CWH43: variants seen among roughly 807,000 people sequenced by gnomAD.
CWH43 encodes cell wall biogenesis 43 C-terminal homolog, also known as PGAP2-interacting protein.
Under a neutral mutation model 85.7 loss-of-function variants are expected in CWH43, and 91 were observed. The observed-to-expected ratio is 1.06, with a 90% CI of 0.90 to 1.26. The LOEUF is 1.26. CWH43 is among the 50% of genes most tolerant of loss of function. The pLI is 0.00. For missense variants in CWH43, 869 were observed against 839.2 expected (o/e 1.04, Z -0.44); for synonymous variants, 323 against 293.6 (o/e 1.10, Z -1.02).
intron 5 of CWH43, 149 bp downstream of exon 5, chr4:48,994,969 C>T: frequency 1.3e-6 from 1 of 756,202 alleles, no homozygotes; most frequent in Middle Eastern, 3.6e-4. Context: ...TTATTGTGTG[C>T]TCTGGAGAGA....
At chr4:49,034,256 T>G (rs1459766478) in intron 12 of CWH43, among the ~76,000 whole-genome samples, 1 of 152,184 alleles carries the variant, frequency 6.6e-6, no homozygotes. Context: ...TCCCATGACC[T>G]TATGTTGTAC....
intron 8 of CWH43, among the ~76,000 whole-genome samples, chr4:49,010,499 A>C (rs1386910949): frequency 6.6e-6 from 1 of 151,638 alleles, no homozygotes; most frequent in African/African-American, 2.4e-5. Flanking sequence ...GATCTTAGTT[A>C]TTTCTTGCCT....
Position 49,028,841 on chromosome 4 carries a change from A to G in CWH43, c.1372+107A>G, listed in dbSNP as rs1784002584. ...TTAATGCAGGTATTAGATTAAATTT[A>G]TGACCAGCAGATGATCATAAACTCA... On this transcript the variant is annotated intron_variant, in intron 10 of 15. Transcript: ENST00000226432. 10 of 709,724 alleles carry G rather than the reference A, an allele frequency of 1.4e-5. No homozygotes were observed. In the South Asian group the frequency reaches 1.8e-4, roughly 13 times the overall value. The allele number at this position is 709,724 out of a possible 1,614,324, so 44.0% of individuals were successfully genotyped here. A position where few individuals can be genotyped will look rare whatever the true frequency, so the allele number is the denominator to read the frequency against.
chr4:49,028,558 G>A (rs1783991972), intron 9 of CWH43, 71 bp from the exon 10 acceptor site: 1 of 973,714 alleles, frequency 1.0e-6, no homozygotes, highest in Non-Finnish European at 1.6e-6. Context: ...AGAGAGGAGT[G>A]GAGAAAAGTG....
rs149047504 is a variant in CWH43, at chr4:49,002,893, G to A, written c.803-842G>A. 6.6e-5 allele frequency among the ~76,000 whole-genome samples: 10 copies of A among 152,252 alleles called. No individual in the cohort carries two copies. The East Asian group carries it at 1.5e-3, about 24-fold the overall frequency. On this transcript the variant is annotated intron_variant, in intron 6 of 15. Transcript: ENST00000226432. ...CCACTCCTTTCTGGAGTTCTTGGCC[G>A]AAGTAGTGAAGAGCCTGCTCTAGCT...
At chr4:49,041,977 A>T (rs904211797) in intron 13 of CWH43, among the ~76,000 whole-genome samples, 10 of 152,208 alleles carry the variant, frequency 6.6e-5, no homozygotes, top group Non-Finnish European at 1.3e-4. Flanking sequence ...AAAATACCAT[A>T]ATTTTGGAAG....
In CWH43 at chr4:48,994,755, C is replaced by G. The variant is rs756179636; in HGVS notation, c.648C>G (p.Val216=). 1 of 1,614,076 alleles carries G rather than the reference C, an allele frequency of 6.2e-7. No homozygotes were observed. ...VFLTHWVFGE[V]SLVSRWAVSG... ...TCACCCACTGGGTTTTTGGAGAAGTCTCTCTTGTTTCCAGATGGGCAGTGA... is the reference window on the plus strand; with the variant it reads ...TCACCCACTGGGTTTTTGGAGAAGTGTCTCTTGTTTCCAGATGGGCAGTGA... Residue 216 remains valine, a synonymous_variant, in exon 5 of 16, where the codon GTC becomes GTG. Transcript: ENST00000226432.
intron 9 of CWH43, among the ~76,000 whole-genome samples, chr4:49,017,848 T>C (rs888129856): frequency 1.3e-5 from 2 of 151,868 alleles, no homozygotes; most frequent in African/African-American, 4.8e-5. Flanking sequence ...TTTTTTTTTT[T>C]TTTATTTGAT....
intron 6 of CWH43, among the ~76,000 whole-genome samples, chr4:49,000,028 G>C (rs932865316): frequency 6.6e-6 from 1 of 151,636 alleles, no homozygotes; most frequent in Non-Finnish European, 1.5e-5. Context: ...AATATTTAAT[G>C]ATTATAGTCA....
At chr4:49,056,781 T>C (rs1233689192) in intron 15 of CWH43, among the ~76,000 whole-genome samples, 1 of 152,134 alleles carries the variant, frequency 6.6e-6, no homozygotes, top group Non-Finnish European at 1.5e-5. Flanking sequence ...AAGGTAGGTG[T>C]TTATTGCTAC....
intron 10 of CWH43, 93 bp from the exon 11 acceptor site, chr4:49,030,732 A>G: frequency 1.6e-6 from 2 of 1,263,126 alleles, no homozygotes; most frequent in Non-Finnish European, 2.1e-6. Context: ...TCAGTAAAGA[A>G]AAAAAGGTTA....
intron 9 of CWH43, among the ~76,000 whole-genome samples, chr4:49,017,979 C>T (rs375416409): frequency 2.0e-5 from 3 of 151,960 alleles, no homozygotes; most frequent in South Asian, 2.1e-4. Context: ...GGACTATAGG[C>T]GGTGTGCCAC....
chr4:49,026,080 A>G lies in CWH43; in HGVS notation c.1267-2549A>G, dbSNP rs942004563. On this transcript the variant is annotated intron_variant, in intron 9 of 15. Coordinates refer to ENST00000226432, the MANE Select transcript of CWH43 (RefSeq NM_025087.3). ...AGGCCAATGGAGTTATGTTTCCAGG[A>G]GAATTATTGCTGCCTCTGCTGTCTC... is the stretch of plus-strand genomic sequence containing the variant. Among the ~76,000 whole-genome samples, 6 of 152,104 alleles carry G rather than the reference A, an allele frequency of 3.9e-5. No individual in the cohort carries two copies. The East Asian group carries it at 1.2e-3, about 29-fold the overall frequency.
chr4:49,035,213 TG>T (rs1322640086), intron 12 of CWH43, among the ~76,000 whole-genome samples: 1 of 152,220 alleles, frequency 6.6e-6, no homozygotes, highest in Non-Finnish European at 1.5e-5. Flanking sequence ...CGTTTTCCAG[TG>T]ATTATGGCAT....
chr4:49,053,832 C>T (rs1784872233), intron 15 of CWH43, among the ~76,000 whole-genome samples: 1 of 152,114 alleles, frequency 6.6e-6, no homozygotes, highest in South Asian at 2.1e-4. Flanking sequence ...ATTTGGGATG[C>T]TCAAACAGTA....
intron 9 of CWH43, among the ~76,000 whole-genome samples, chr4:49,020,755 A>T (rs1783727264): frequency 6.6e-6 from 1 of 152,132 alleles, no homozygotes; most frequent in African/African-American, 2.4e-5. Context: ...CCATTCTTGC[A>T]GGAGTAAGGT....
intron 10 of CWH43, among the ~76,000 whole-genome samples, chr4:49,030,507 C>T (rs1404314183): frequency 2.0e-5 from 3 of 152,144 alleles, no homozygotes; most frequent in African/African-American, 7.2e-5. Context: ...TCTCTTGTTT[C>T]TGAACATAAA....
At position 49,028,693 on chromosome 4, in the gene CWH43, G is replaced by A; in HGVS notation, c.1331G>A (p.Trp444Ter). 1.2e-6 allele frequency: 2 copies of A among 1,613,670 alleles called. No individual in the cohort carries two copies. Among genetic ancestry groups the A allele is most frequent in the Non-Finnish European group, 1.7e-6 (2 of 1,179,714 alleles). ...AGGTTTGGATATGACAATGAAGGGTGGTCTAGTCTAGAAAGATCAGCTCAC... is the reference window on the plus strand; with the variant it reads ...AGGTTTGGATATGACAATGAAGGGTAGTCTAGTCTAGAAAGATCAGCTCAC... ...PFRFGYDNEG[W>*]SSLERSAHLL... The change falls in exon 10 of 16, where the codon TGG (tryptophan) becomes TAG (stop). Residue 444 changes from tryptophan (W) to a stop codon, truncating the protein, a stop_gained. Transcript: ENST00000226432. LOFTEE classifies it high-confidence loss of function.
chr4:49,041,848 AC>A (rs1454033609), intron 13 of CWH43, among the ~76,000 whole-genome samples: 1 of 152,134 alleles, frequency 6.6e-6, no homozygotes, highest in South Asian at 2.1e-4. Context: ...AGTCCCAGAA[AC>A]TGATCTGTAA....
Sources: gnomAD v4.1 joint callset for allele counts (sites outside exome capture counted in the v4.1 genomes callset) on GRCh38, gnomAD v4.1.1 for gene constraint, MANE v1.5 for transcripts, NCBI Gene and HGNC (gene_info 2026-07-23, HGNC 2026-07-21) for gene names.